SHBG: variants seen among roughly 807,000 people sequenced by gnomAD.
SHBG encodes sex hormone-binding globulin.
Under a neutral mutation model 41.9 loss-of-function variants are expected in SHBG, and 37 were observed. The ratio of observed to expected loss-of-function variants is 0.88; its 90% confidence interval spans 0.68 to 1.16. The LOEUF is 1.16. Ranked by LOEUF, SHBG falls within the 50% of genes most tolerant of loss-of-function variation. The pLI, the probability that SHBG is intolerant of heterozygous loss-of-function variation, is 0.00. For missense variants in SHBG, 466 were observed against 499.9 expected, an observed-to-expected ratio of 0.93 and a Z score of 0.65; for synonymous variants, 217 against 205.8, an observed-to-expected ratio of 1.05 and a Z score of -0.47.
chr17:7,632,124 T>TTCCAGCCCTGGAGC (rs2072438388), intron 6 of SHBG, 109 bp downstream of exon 6: 2 of 1,146,040 alleles, frequency 1.7e-6, no homozygotes, highest in South Asian at 2.5e-5. Context: ...CCAGGGAACA[T>TTCCAGCCCTGGAGC]AACAAGACTG....
chr17:7,631,744 C>T lies in SHBG; in HGVS notation c.711C>T (p.Leu237=). ...CAGGGACTCAGGCAGAATTCAATCT[C>T]CGAGGTAGATTTCCTCGGAGTCTAT... ...LPPGTQAEFN[L]RDIPQPHAEP... The change falls in exon 5 of 8, where the codon CTC becomes CTT. Residue 237 remains leucine, a synonymous_variant. Transcript: ENST00000380450. 1 of 1,614,086 alleles carries T rather than the reference C, an allele frequency of 6.2e-7. No homozygotes were observed. The highest frequency in any genetic ancestry group is 1.6e-4 in the Middle Eastern group (1 of 6,062).
upstream of SHBG, among the ~76,000 whole-genome samples, chr17:7,625,316 C>T (rs1292962568): frequency 5.9e-5 from 9 of 151,294 alleles, no homozygotes; most frequent in Non-Finnish European, 1.0e-4. Context: ...TGGTGGCTCA[C>T]GCCTGTAATC....
rs746749877 is a variant in SHBG, at chr17:7,631,226, T to C, written c.420T>C (p.Ser140=). The change falls in exon 4 of 8, where the codon TCT becomes TCC. Residue 140 remains serine (S), a synonymous_variant. Coordinates refer to ENST00000380450, the MANE Select transcript of SHBG (RefSeq NM_001040.5). ...TGGAAGTCAAGATGGAGGGGGACTC[T>C]GTGCTGCTGGAGGTGGATGGGGAGG... is the stretch of plus-strand genomic sequence containing the variant. ...HQVEVKMEGD[S]VLLEVDGEEV... 6.3e-7 allele frequency: 1 copy of C among 1,588,704 alleles called. No homozygotes were observed. The highest frequency in any genetic ancestry group is 8.6e-7 in the Non-Finnish European group (1 of 1,167,604).
At chr17:7,629,325 C>A (rs141321495), upstream of SHBG, among the ~76,000 whole-genome samples, 21 of 151,900 alleles carry the variant, frequency 1.4e-4, no homozygotes, top group African/African-American at 4.8e-4. Context: ...CAGCAGTGAG[C>A]CGAGATCACG....
At chr17:7,626,708 C>T (rs747050102), upstream of SHBG, 2 of 1,613,942 alleles carry the variant, frequency 1.2e-6, no homozygotes, top group Non-Finnish European at 1.7e-6. Flanking sequence ...TCCATATACC[C>T]TTGCTTCTTC....
chr17:7,614,438 G>C, intron 1 of SHBG: 1 of 1,523,366 alleles, frequency 6.6e-7, no homozygotes, highest in South Asian at 1.2e-5. Flanking sequence ...TCCCCAGTCG[G>C]CGCGCCGTCT....
chr17:7,624,621 C>A (rs907615533), upstream of SHBG, among the ~76,000 whole-genome samples: 2 of 151,252 alleles, frequency 1.3e-5, no homozygotes, highest in Admixed American at 1.3e-4. Context: ...CCACCCTCAA[C>A]CTCTCAAAGT....
upstream of SHBG, chr17:7,630,042 C>T: frequency 3.8e-6 from 3 of 783,388 alleles, no homozygotes; most frequent in Admixed American, 3.6e-5. This position sits in a 1 kb window ranked among gnomAD's most constrained non-coding sequence, Gnocchi z 4.6. Flanking sequence ...GGTCAAGGGT[C>T]AGTGCCCCTG....
upstream of SHBG, chr17:7,627,094 C>A: frequency 6.2e-7 from 1 of 1,613,486 alleles, no homozygotes; most frequent in Non-Finnish European, 8.5e-7. This position sits in a 1 kb window ranked among gnomAD's most constrained non-coding sequence, Gnocchi z 4.8. Context: ...GTGGGGAGAC[C>A]TCTGAGGCCG....
intron 1 of SHBG, among the ~76,000 whole-genome samples, chr17:7,618,820 C>T (rs188726998): frequency 1.3e-5 from 2 of 152,200 alleles, no homozygotes; most frequent in East Asian, 1.9e-4. Flanking sequence ...ATCCCAATTG[C>T]GCAGCCTCAA....
chr17:7,615,121 C>T (rs1306850481), intron 1 of SHBG, among the ~76,000 whole-genome samples: 1 of 152,172 alleles, frequency 6.6e-6, no homozygotes, highest in African/African-American at 2.4e-5. Context: ...CTTCCTTTCC[C>T]CGCCCCACAA....
intron 1 of SHBG, chr17:7,614,164 G>GA: frequency 1.6e-6 from 1 of 640,204 alleles, no homozygotes. Context: ...GGGTAAAGGG[G>GA]TCTCTCCTGC....
At chr17:7,615,367 C>A (rs1005885128) in intron 1 of SHBG, among the ~76,000 whole-genome samples, 52 of 152,208 alleles carry the variant, frequency 3.4e-4, no homozygotes, top group Non-Finnish European at 6.2e-4. Context: ...GAGGAGTCGC[C>A]GCAAGGAAAA....
At chr17:7,624,193 C>G (rs959118160), upstream of SHBG, among the ~76,000 whole-genome samples, 2 of 151,940 alleles carry the variant, frequency 1.3e-5, no homozygotes, top group African/African-American at 4.8e-5. Flanking sequence ...CTCCAGTGAT[C>G]CACCCGCCTT....
At chr17:7,624,476 C>T (rs922518301), upstream of SHBG, among the ~76,000 whole-genome samples, 3 of 151,840 alleles carry the variant, frequency 2.0e-5, no homozygotes, top group Non-Finnish European at 1.5e-5. Flanking sequence ...GAACTCCTGA[C>T]CTCAAGTGAT....
chr17:7,625,020 ACTCACTGCAAC>A (rs2072169448), upstream of SHBG, among the ~76,000 whole-genome samples: 1 of 120,052 alleles, frequency 8.3e-6, no homozygotes, highest in Admixed American at 1.0e-4. Flanking sequence ...CATGATCTTG[ACTCACTGCAAC>A]CTCCATCTCC....
rs931529688 is a variant in SHBG, at chr17:7,630,955, A to G, written c.393+86A>G. ...AAACCAAGTTATTGGGCATCCCTCT[A>G]CCACTGTCATCTCGTTTAATCCACA... On this transcript the variant is annotated intron_variant, in intron 3 of 7. Transcript: ENST00000380450. The surrounding 1 kb of genome is among the most constrained non-coding windows in gnomAD (Gnocchi z 4.6). 1.2e-5 allele frequency: 15 copies of G among 1,210,748 alleles called. No individual in the cohort carries two copies. Among genetic ancestry groups the G allele is most frequent in the Admixed American group, 3.6e-5 (2 of 54,860 alleles). The allele number at this position is 1,210,748 out of a possible 1,614,324, so 75.0% of individuals were successfully genotyped here. A position where few individuals can be genotyped will look rare whatever the true frequency, so the allele number is the denominator to read the frequency against.
At chr17:7,629,999 T>C (rs2072345311), upstream of SHBG, 1 of 683,028 alleles carries the variant, frequency 1.5e-6, no homozygotes, top group Non-Finnish European at 2.7e-6. Flanking sequence ...AGAGGGGTGA[T>C]AGCTGAGTCT....
chr17:7,624,477 C>A (rs1319965212), upstream of SHBG, among the ~76,000 whole-genome samples: 2 of 152,082 alleles, frequency 1.3e-5, no homozygotes, highest in Non-Finnish European at 2.9e-5. Flanking sequence ...AACTCCTGAC[C>A]TCAAGTGATC....
Sources: allele counts gnomAD v4.1 joint callset (sites outside exome capture counted in the v4.1 genomes callset), GRCh38; gene constraint gnomAD v4.1.1; non-coding constraint Gnocchi (gnomAD v3.1); transcripts MANE v1.5; gene names NCBI Gene and HGNC (gene_info 2026-07-23, HGNC 2026-07-21).